FUT8: variants seen among roughly 807,000 people sequenced by gnomAD.
FUT8 encodes the protein fucosyltransferase 8, also known as alpha-(1,6)-fucosyltransferase.
Under a neutral mutation model 71.3 loss-of-function variants are expected in FUT8, and 29 were observed. The observed-to-expected ratio is 0.41, with a 90% CI of 0.30 to 0.55. The LOEUF is 0.55. FUT8 is among the 20% of genes least tolerant of loss of function. The probability of loss-of-function intolerance (pLI) is 0.34; values close to 1 mark genes in which losing one functional copy is unlikely to be tolerated. For synonymous variants in FUT8, 254 were observed against 239.3 expected (o/e 1.06, Z -0.57); for missense variants, 544 against 702.1 (o/e 0.77, Z 2.55).
At chr14:65,470,248 C>G (rs1008758887) in intron 2 of FUT8, among the ~76,000 whole-genome samples, 2 of 152,252 alleles carry the variant, frequency 1.3e-5, no homozygotes, top group Non-Finnish European at 2.9e-5. Flanking sequence ...CAGGCATTTC[C>G]GAGCCTGCAA....
At chr14:65,399,124 C>T in the FUT8 span, among the ~76,000 whole-genome samples, 1 of 152,166 alleles carries the variant, frequency 6.6e-6, no homozygotes, top group Non-Finnish European at 1.5e-5. Flanking sequence ...TGAGACCAGC[C>T]TGGCCAATGT....
chr14:65,376,145 G>GT, the FUT8 span, among the ~76,000 whole-genome samples: 1,071 of 151,900 alleles, frequency 7.1e-3, 11 homozygotes, highest in African/African-American at 0.025. Context: ...GTGTATTCTG[G>GT]AAAGCATAGA....
At chr14:65,605,407 T>C (rs1227780224) in intron 3 of FUT8, among the ~76,000 whole-genome samples, 2 of 151,954 alleles carry the variant, frequency 1.3e-5, no homozygotes, top group Non-Finnish European at 2.9e-5. Context: ...TATTTGGAGA[T>C]AGTCCCTTTA....
Position 65,492,209 on chromosome 14 carries a change from T to G in FUT8, c.-228+36491T>G, listed in dbSNP as rs1486365367. 2.0e-5 allele frequency among the ~76,000 whole-genome samples: 3 copies of G among 152,196 alleles called. No individual in the cohort carries two copies. The East Asian group carries it at 5.8e-4, about 29-fold the overall frequency. On this transcript the variant is annotated intron_variant, in intron 2 of 10. Transcript: ENST00000673929. Reference sequence around the variant, plus strand: ...TTTTTTTCATATTAAAACTGTAGATTCAATCCAACATGACAGATATTTATA... The same window carrying G: ...TTTTTTTCATATTAAAACTGTAGATGCAATCCAACATGACAGATATTTATA...
chr14:65,632,701 G>A (rs778987758), intron 6 of FUT8, among the ~76,000 whole-genome samples: 3 of 151,958 alleles, frequency 2.0e-5, no homozygotes, highest in Non-Finnish European at 4.4e-5. Context: ...CTTTTGCTGT[G>A]CAAAAACTCT....
At chr14:65,484,191 G>A (rs1022618111) in intron 2 of FUT8, among the ~76,000 whole-genome samples, 2 of 152,106 alleles carry the variant, frequency 1.3e-5, no homozygotes, top group Admixed American at 6.5e-5. Context: ...TGTGAATAAA[G>A]AGAGCTTTAT....
At chr14:65,687,401 A>G (rs1255797709) in intron 7 of FUT8, among the ~76,000 whole-genome samples, 2 of 152,180 alleles carry the variant, frequency 1.3e-5, no homozygotes, top group Non-Finnish European at 2.9e-5. Flanking sequence ...TCTGGATTTA[A>G]TTACATTTGT....
At chr14:65,686,336 A>C (rs1330086230) in intron 7 of FUT8, among the ~76,000 whole-genome samples, 1 of 152,196 alleles carries the variant, frequency 6.6e-6, no homozygotes, top group Admixed American at 6.5e-5. Flanking sequence ...AAGCTTACTT[A>C]TACAATACCA....
At chr14:65,395,559 G>A in the FUT8 span, among the ~76,000 whole-genome samples, 1 of 152,260 alleles carries the variant, frequency 6.6e-6, no homozygotes, top group Non-Finnish European at 1.5e-5. Context: ...CATGGCCCGA[G>A]CCATACCTTG....
At chr14:65,629,387 C>T (rs1049887444) in intron 5 of FUT8, 105 bp from the exon 6 acceptor site, 216 of 676,172 alleles carry the variant, frequency 3.2e-4, no homozygotes, top group Admixed American at 4.9e-5. Flanking sequence ...AGTGTCAATG[C>T]GAGCATCAAT....
chr14:65,634,056 G>T (rs1023897427), intron 6 of FUT8, among the ~76,000 whole-genome samples: 1 of 152,254 alleles, frequency 6.6e-6, no homozygotes, highest in African/African-American at 2.4e-5. Context: ...ACCCGGTCTG[G>T]GAGGTGTACC....
At chr14:65,380,084 C>A in the FUT8 span, among the ~76,000 whole-genome samples, 1 of 152,076 alleles carries the variant, frequency 6.6e-6, no homozygotes, top group Non-Finnish European at 1.5e-5. Context: ...TCCATTTTTG[C>A]GCTGCTGATA....
At chr14:65,414,324 A>C (rs186725452) in intron 1 of FUT8, among the ~76,000 whole-genome samples, 1 of 151,796 alleles carries the variant, frequency 6.6e-6, no homozygotes, top group African/African-American at 2.4e-5. Flanking sequence ...TATTTTCTTG[A>C]TTAAATTTAC....
chr14:65,669,193 A>G lies in FUT8; in HGVS notation c.598-50A>G, dbSNP rs557059091. 4 of 1,266,038 alleles carry G rather than the reference A, an allele frequency of 3.2e-6. No homozygotes were observed. The highest frequency in any genetic ancestry group is 3.4e-6 in the Non-Finnish European group (3 of 890,960). The allele number at this position is 1,266,038 out of a possible 1,614,324, so 78.4% of individuals were successfully genotyped here. On this transcript the variant is annotated intron_variant, in intron 6 of 10. Coordinates refer to ENST00000673929, the MANE Select transcript of FUT8 (RefSeq NM_001371533.1). This position sits in a 1 kb window ranked among gnomAD's most constrained non-coding sequence, Gnocchi z 4.5. The stretch of plus-strand genomic sequence containing the variant: ...GATTAAAAAAAAAAAAGAGCAGTTG[A>G]CCTCTCTGTACAACTTATCTTTATT...
intron 7 of FUT8, among the ~76,000 whole-genome samples, chr14:65,684,841 A>T (rs1337470697): frequency 6.6e-6 from 1 of 152,208 alleles, no homozygotes; most frequent in Non-Finnish European, 1.5e-5. Flanking sequence ...TGAAACTGTG[A>T]GTCAATTAAA....
chr14:65,526,575 A>C (rs1883484924), intron 2 of FUT8, among the ~76,000 whole-genome samples: 1 of 152,112 alleles, frequency 6.6e-6, no homozygotes, highest in Admixed American at 6.5e-5. Context: ...TAAGGTTAAT[A>C]TTGTTATGTG....
chr14:65,411,862 C>T, upstream of FUT8: 1 of 359,832 alleles, frequency 2.8e-6, no homozygotes. Context: ...CCCCTCGTCC[C>T]GCGACTACTT....
chr14:65,534,054 C>T (rs1012853366), intron 2 of FUT8, among the ~76,000 whole-genome samples: 1 of 152,128 alleles, frequency 6.6e-6, no homozygotes, highest in Non-Finnish European at 1.5e-5. Flanking sequence ...ATTTTTGCAT[C>T]AGTGTTCATC....
At chr14:65,685,694 A>G (rs1019266637) in intron 7 of FUT8, among the ~76,000 whole-genome samples, 2 of 152,210 alleles carry the variant, frequency 1.3e-5, no homozygotes, top group Non-Finnish European at 2.9e-5. Flanking sequence ...TTTTCTGGGA[A>G]AGGGGTGGGC....
Sources: gnomAD v4.1 joint callset for allele counts (sites outside exome capture counted in the v4.1 genomes callset) on GRCh38, gnomAD v4.1.1 for gene constraint, Gnocchi (gnomAD v3.1) non-coding constraint, MANE v1.5 for transcripts, NCBI Gene and HGNC (gene_info 2026-07-23, HGNC 2026-07-21) for gene names.